The following CACNA1A variants were observed in gnomAD, a reference collection of about 807,000 sequenced individuals.
The protein encoded by CACNA1A is calcium voltage-gated channel subunit alpha1 A.
Under a neutral mutation model 262.4 loss-of-function variants are expected in CACNA1A, and 57 were observed. That is an observed-to-expected ratio of 0.22 (90% CI 0.18 to 0.27). The LOEUF (loss-of-function observed/expected upper bound fraction) is 0.27. CACNA1A is among the 10% of genes least tolerant of loss of function. CACNA1A has a pLI of 1.00. For missense variants in CACNA1A, 2,526 were observed against 3,562.8 expected, an observed-to-expected ratio of 0.71 and a Z score of 7.41; for synonymous variants, 1,431 against 1,419.3, an observed-to-expected ratio of 1.01 and a Z score of -0.18.
chr19:13,378,986 T>A (rs79155019), intron 3 of CACNA1A, among the ~76,000 whole-genome samples: 23 of 108,870 alleles, frequency 2.1e-4, no homozygotes, highest in South Asian at 5.8e-4. Context: ...TTTTTTTTTT[T>A]AATTTTTGTT....
intron 3 of CACNA1A, among the ~76,000 whole-genome samples, chr19:13,397,648 G>A (rs919707456): frequency 6.6e-6 from 1 of 152,024 alleles, no homozygotes; most frequent in Non-Finnish European, 1.5e-5. Flanking sequence ...TTGATTCTCA[G>A]TGAGGACCCA....
chr19:13,300,513 G>C, intron 18 of CACNA1A, 37 bp downstream of exon 18: 1 of 1,424,782 alleles, frequency 7.0e-7, no homozygotes, highest in East Asian at 2.3e-5. Flanking sequence ...GGACGTTCAG[G>C]AGCCAGGGTA....
At chr19:13,455,918 G>A (rs922056851) in intron 1 of CACNA1A, among the ~76,000 whole-genome samples, 9 of 150,964 alleles carry the variant, frequency 6.0e-5, no homozygotes, top group Non-Finnish European at 1.2e-4. Context: ...TAGAGGCTGC[G>A]GTGGGTGGAT....
At chr19:13,458,727 T>C (rs530039551) in intron 1 of CACNA1A, among the ~76,000 whole-genome samples, 3 of 152,166 alleles carry the variant, frequency 2.0e-5, no homozygotes, top group Non-Finnish European at 4.4e-5. Context: ...GGGGAGGGTC[T>C]ATCTTGTTCA....
intron 10 of CACNA1A, among the ~76,000 whole-genome samples, chr19:13,329,237 C>G (rs2058425503): frequency 6.6e-6 from 1 of 152,132 alleles, no homozygotes. Flanking sequence ...CTGAGCCCTG[C>G]CTCTCACACT....
chr19:13,328,364 C>G (rs2058404220), intron 10 of CACNA1A, among the ~76,000 whole-genome samples: 1 of 152,050 alleles, frequency 6.6e-6, no homozygotes, highest in South Asian at 2.1e-4. Context: ...TTCTCCATTA[C>G]AAAGAAAAGC....
chr19:13,259,859 G>T, intron 26 of CACNA1A, 158 bp from the exon 27 acceptor site: 1 of 692,996 alleles, frequency 1.4e-6, no homozygotes, highest in Non-Finnish European at 2.5e-6. Flanking sequence ...ATGTGTTCCT[G>T]TGCTTCATAG....
intron 1 of CACNA1A, among the ~76,000 whole-genome samples, chr19:13,465,085 T>C (rs549979380): frequency 5.6e-4 from 85 of 151,706 alleles, no homozygotes; most frequent in African/African-American, 2.0e-3. Context: ...TGCAGCACCA[T>C]ACCTGGCTAA....
chr19:13,347,529 C>T (rs937727168), intron 6 of CACNA1A, among the ~76,000 whole-genome samples: 5 of 152,158 alleles, frequency 3.3e-5, no homozygotes, highest in African/African-American at 7.2e-5. Flanking sequence ...TATAGGTTAA[C>T]GTTTAATTGG....
intron 1 of CACNA1A, among the ~76,000 whole-genome samples, chr19:13,502,617 T>G (rs957783844): frequency 2.0e-5 from 3 of 152,190 alleles, no homozygotes; most frequent in African/African-American, 7.2e-5. Flanking sequence ...CAAGACGGCT[T>G]GCTGCCTGGC....
At chr19:13,466,895 T>TATTTA (rs2061254314) in intron 1 of CACNA1A, among the ~76,000 whole-genome samples, 1 of 150,988 alleles carries the variant, frequency 6.6e-6, no homozygotes, top group African/African-American at 2.4e-5. Flanking sequence ...TTTATTTATT[T>TATTTA]ATTTATTTAT....
chr19:13,454,942 G>A (rs1023001709), intron 2 of CACNA1A, among the ~76,000 whole-genome samples, 165 bp downstream of exon 2: 1 of 152,092 alleles, frequency 6.6e-6, no homozygotes, highest in African/African-American at 2.4e-5. Context: ...CTGGGTGACA[G>A]AGCGAGACTC....
intron 23 of CACNA1A, 30 bp from the exon 24 acceptor site, chr19:13,275,986 C>A (rs1236896461): frequency 6.8e-7 from 1 of 1,476,304 alleles, no homozygotes; most frequent in African/African-American, 1.4e-5. Flanking sequence ...GTGCTCAGAA[C>A]CCCCACCTGA....
chr19:13,494,500 A>G (rs535542207), intron 1 of CACNA1A, among the ~76,000 whole-genome samples: 2 of 152,318 alleles, frequency 1.3e-5, no homozygotes, highest in South Asian at 4.1e-4. Context: ...CAGGGCTGAG[A>G]CAGAATAGAC....
chr19:13,427,493 T>TAAATAAATAAAG (rs1243731004), intron 3 of CACNA1A, among the ~76,000 whole-genome samples: 1 of 148,116 alleles, frequency 6.8e-6, no homozygotes, highest in African/African-American at 2.5e-5. Flanking sequence ...AATAAATAAA[T>TAAATAAATAAAG]AAAGAGTTCC....
chr19:13,305,670 A>G (rs1037128506), intron 15 of CACNA1A, among the ~76,000 whole-genome samples: 1 of 152,162 alleles, frequency 6.6e-6, no homozygotes, highest in East Asian at 1.9e-4. Context: ...ACAACCAACA[A>G]TGCTTGCAGA....
intron 6 of CACNA1A, among the ~76,000 whole-genome samples, chr19:13,338,176 C>T (rs1417202728): frequency 1.3e-5 from 2 of 152,082 alleles, no homozygotes; most frequent in African/African-American, 4.8e-5. Flanking sequence ...GATCACACCA[C>T]TGCACTCCAG....
In CACNA1A at chr19:13,308,640, A is replaced by C; in HGVS notation, c.1669-112T>G. ...AACTCAACCAAACTCCTCCCTCCAA[A>C]TGGAAGCCGGGTGAGGATCCTTGAC... On this transcript the variant is annotated intron_variant, in intron 12 of 46. Transcript: ENST00000360228. This position sits in a 1 kb window ranked among gnomAD's most constrained non-coding sequence, Gnocchi z 4.2. 4 of 621,200 alleles carry C rather than the reference A, an allele frequency of 6.4e-6. No individual in the cohort carries two copies. The highest frequency in any genetic ancestry group is 1.8e-5 in the African/African-American group (1 of 54,152). The allele number at this position is 621,200 out of a possible 1,614,324, so 38.5% of individuals were successfully genotyped here.
chr19:13,277,361 C>A, intron 22 of CACNA1A: 5 of 454,610 alleles, frequency 1.1e-5, no homozygotes, highest in Middle Eastern at 6.2e-4. Context: ...CAAATCCTAA[C>A]AAAAAAATCA....
Sources: gnomAD v4.1 joint callset for allele counts (sites outside exome capture counted in the v4.1 genomes callset) on GRCh38, gnomAD v4.1.1 for gene constraint, Gnocchi (gnomAD v3.1) non-coding constraint, MANE v1.5 for transcripts, NCBI Gene and HGNC (gene_info 2026-07-23, HGNC 2026-07-21) for gene names.